The following CD109 variants were observed in gnomAD, a reference collection of about 807,000 sequenced individuals.
The protein encoded by CD109 is CD109 molecule.
CD109 carries 149 observed loss-of-function variants against 165.8 expected under a neutral mutation model. The ratio of observed to expected loss-of-function variants is 0.90; its 90% CI spans 0.79 to 1.03. The LOEUF (loss-of-function observed/expected upper bound fraction) is 1.03. CD109 is among the 50% of genes least tolerant of loss of function. CD109 has a pLI of 0.00. For synonymous variants in CD109, 585 were observed against 592.1 expected, an observed-to-expected ratio of 0.99 and a Z score of 0.18; for missense variants, 1,712 against 1,677.8, an observed-to-expected ratio of 1.02 and a Z score of -0.36.
At position 73,819,739 on chromosome 6, in the gene CD109, G is replaced by A. The variant is rs1244910234; in HGVS notation, c.4060-722G>A. On this transcript the variant is annotated intron_variant, in intron 31 of 32. Coordinates refer to ENST00000287097, the MANE Select transcript of CD109 (RefSeq NM_133493.5). Reference sequence around the variant, plus strand: ...ATCTTACATTAAGCACTGCTCAAAAGCCATTGGCCTGATTTGGAACTTGAA... The same window carrying A: ...ATCTTACATTAAGCACTGCTCAAAAACCATTGGCCTGATTTGGAACTTGAA... Among the ~76,000 whole-genome samples, 4 of 152,174 alleles carry A rather than the reference G, an allele frequency of 2.6e-5. No individual in the cohort carries two copies. In the East Asian group the frequency reaches 5.8e-4, roughly 22 times the overall value.
chr6:73,711,996 C>G (rs977213617), intron 2 of CD109, among the ~76,000 whole-genome samples: 2 of 152,292 alleles, frequency 1.3e-5, no homozygotes, highest in East Asian at 1.9e-4. Flanking sequence ...CCTTACCTCC[C>G]TGCCATATGA....
At chr6:73,756,735 A>G in intron 6 of CD109, 53 bp downstream of exon 6, 1 of 1,235,326 alleles carries the variant, frequency 8.1e-7, no homozygotes, top group Non-Finnish European at 1.1e-6. Flanking sequence ...TACTTTCAGC[A>G]GAGATTAGAG....
At chr6:73,715,458 G>C (rs1313641091) in intron 2 of CD109, among the ~76,000 whole-genome samples, 1 of 151,554 alleles carries the variant, frequency 6.6e-6, no homozygotes, top group Admixed American at 6.6e-5. Context: ...CTAGTTACTG[G>C]GGAGGCTGAG....
chr6:73,699,973 T>C (rs559236257), intron 2 of CD109, among the ~76,000 whole-genome samples: 9 of 152,230 alleles, frequency 5.9e-5, no homozygotes, highest in Admixed American at 3.3e-4. Flanking sequence ...TGTAACAATA[T>C]GTAGATAAAC....
chr6:73,725,854 T>C (rs1181570712), intron 3 of CD109, among the ~76,000 whole-genome samples: 1 of 152,358 alleles, frequency 6.6e-6, no homozygotes, highest in East Asian at 1.9e-4. Context: ...AAATACTAAC[T>C]CTGACATCCA....
intron 5 of CD109, among the ~76,000 whole-genome samples, chr6:73,745,082 T>C (rs1057433945): frequency 1.3e-5 from 2 of 152,200 alleles, no homozygotes; most frequent in African/African-American, 4.8e-5. Context: ...TTATTTAATA[T>C]GTGCAGCAAT....
intron 2 of CD109, among the ~76,000 whole-genome samples, chr6:73,704,453 C>T (rs1303190996): frequency 2.0e-5 from 3 of 152,154 alleles, no homozygotes; most frequent in Non-Finnish European, 4.4e-5. Flanking sequence ...AGAAACATGA[C>T]TTGGGGTTTG....
chr6:73,770,854 C>A (rs1322962278), intron 14 of CD109, among the ~76,000 whole-genome samples: 2 of 152,144 alleles, frequency 1.3e-5, no homozygotes, highest in African/African-American at 4.8e-5. Flanking sequence ...TTAGTAGGTC[C>A]AGGACCATGC....
chr6:73,760,888 G>A (rs1240791173), intron 7 of CD109, among the ~76,000 whole-genome samples: 2 of 151,520 alleles, frequency 1.3e-5, no homozygotes, highest in Non-Finnish European at 2.9e-5. Flanking sequence ...GGTGGTGTGC[G>A]CTTGTCATCC....
chr6:73,801,964 C>G (rs941289204), intron 23 of CD109, among the ~76,000 whole-genome samples: 5 of 152,030 alleles, frequency 3.3e-5, no homozygotes, highest in African/African-American at 1.2e-4. Flanking sequence ...CTAATGGTTG[C>G]TTTTTTAGTG....
At position 73,827,269 on chromosome 6, in the gene CD109, T is replaced by C. The variant is rs1446037127; in HGVS notation, c.*3636T>C. ...GTGCCATGATGTATTCTTGGGTGCATTGGTTTTTTGCGCATTGTAAATTTA... is the reference window on the plus strand; with the variant it reads ...GTGCCATGATGTATTCTTGGGTGCACTGGTTTTTTGCGCATTGTAAATTTA... On this transcript the variant is annotated 3_prime_UTR_variant, in exon 33 of 33. Transcript: ENST00000287097. 1 of 152,128 alleles carries C rather than the reference T, an allele frequency of 6.6e-6. No individual in the cohort carries two copies. Among genetic ancestry groups the C allele is most frequent in the East Asian group, 1.9e-4 (1 of 5,186 alleles). 9.4% of individuals were successfully genotyped at this position (152,128 alleles called of 1,614,324 possible).
chr6:73,726,273 A>C (rs1193395698), intron 3 of CD109, among the ~76,000 whole-genome samples: 1 of 152,242 alleles, frequency 6.6e-6, no homozygotes, highest in Non-Finnish European at 1.5e-5. Flanking sequence ...ATTGTACTTC[A>C]AGACACTAAA....
chr6:73,794,525 G>C (rs1476517564), intron 23 of CD109, among the ~76,000 whole-genome samples: 1 of 152,150 alleles, frequency 6.6e-6, no homozygotes, highest in Non-Finnish European at 1.5e-5. Flanking sequence ...TAAGGTGTTG[G>C]GTTTAAGTAG....
chr6:73,710,301 GACAA>G (rs1298345020), intron 2 of CD109, among the ~76,000 whole-genome samples: 1 of 152,072 alleles, frequency 6.6e-6, no homozygotes, highest in Non-Finnish European at 1.5e-5. Context: ...ACCAATAACA[GACAA>G]ACAGAGAGCC....
intron 23 of CD109, among the ~76,000 whole-genome samples, chr6:73,799,725 TA>T (rs1775295702): frequency 6.6e-6 from 1 of 152,196 alleles, no homozygotes; most frequent in Non-Finnish European, 1.5e-5. Flanking sequence ...CATTGAGGAT[TA>T]TAATTGAACA....
In CD109 at chr6:73,772,429, C is replaced by A. The variant is rs536103919; in HGVS notation, c.1827+848C>A. ...CTGAGGCAGGAGAATGGCATGAATC[C>A]CAGGAGGCGGAGCTTGCAGCGAGCA... On this transcript the variant is annotated intron_variant, in intron 15 of 32. Coordinates refer to ENST00000287097, the MANE Select transcript of CD109 (RefSeq NM_133493.5). Among the ~76,000 whole-genome samples the A allele has an allele frequency of 8.0e-5, 12 of 150,498 alleles. No individual in the cohort carries two copies. In the East Asian group the frequency reaches 2.3e-3, roughly 29 times the overall value.
intron 23 of CD109, among the ~76,000 whole-genome samples, chr6:73,798,881 T>G (rs983531817): frequency 6.6e-6 from 1 of 152,170 alleles, no homozygotes; most frequent in Admixed American, 6.5e-5. Flanking sequence ...CACATGGTCC[T>G]CTCCTTGAGG....
At chr6:73,753,618 T>G (rs1008782500) in intron 5 of CD109, among the ~76,000 whole-genome samples, 1 of 152,204 alleles carries the variant, frequency 6.6e-6, no homozygotes, top group Admixed American at 6.5e-5. Flanking sequence ...TTTTCTAGAT[T>G]TATTGGAACA....
At chr6:73,737,343 A>G (rs2150188363) in intron 5 of CD109, among the ~76,000 whole-genome samples, 1 of 152,316 alleles carries the variant, frequency 6.6e-6, no homozygotes, top group South Asian at 2.1e-4. Flanking sequence ...ACCTGTATGA[A>G]TGAGAACAGT....
Sources: gnomAD v4.1 joint callset for allele counts (sites outside exome capture counted in the v4.1 genomes callset) on GRCh38, gnomAD v4.1.1 for gene constraint, MANE v1.5 for transcripts, NCBI Gene and HGNC (gene_info 2026-07-23, HGNC 2026-07-21) for gene names.